The following CCDC191 variants were observed in gnomAD, a reference collection of about 807,000 sequenced individuals.
The protein encoded by CCDC191 is coiled-coil domain containing 191.
In CCDC191, 99 loss-of-function variants were observed where a neutral mutation model predicts 114.0. The ratio of observed to expected loss-of-function variants is 0.87; its 90% CI spans 0.74 to 1.03. The LOEUF is 1.03. Ranked by LOEUF, CCDC191 falls within the 50% of genes least tolerant of loss-of-function variation. CCDC191 has a pLI of 0.00. For missense variants in CCDC191, 973 were observed against 1,087.0 expected (o/e 0.90, Z 1.47); for synonymous variants, 351 against 376.0 (o/e 0.93, Z 0.77).
chr3:113,980,519 C>A (rs1412570481), intron 14 of CCDC191, 131 bp downstream of exon 14: 4 of 846,534 alleles, frequency 4.7e-6, no homozygotes, highest in East Asian at 5.8e-5. Context: ...AAAACAAATA[C>A]ACACATTCAA....
chr3:113,990,855 A>C (rs954839622), intron 13 of CCDC191, among the ~76,000 whole-genome samples: 1 of 148,094 alleles, frequency 6.8e-6, no homozygotes, highest in Admixed American at 7.0e-5. Context: ...AATCCCAGCT[A>C]CTCAGGAGGC....
At chr3:113,993,253 G>C (rs1032000148) in intron 13 of CCDC191, among the ~76,000 whole-genome samples, 1 of 152,074 alleles carries the variant, frequency 6.6e-6, no homozygotes, top group Admixed American at 6.6e-5. Flanking sequence ...GTAACATAGT[G>C]ACACCCAGAC....
intron 13 of CCDC191, among the ~76,000 whole-genome samples, chr3:113,982,287 C>A (rs1177506311): frequency 6.6e-6 from 1 of 152,104 alleles, no homozygotes; most frequent in Non-Finnish European, 1.5e-5. Context: ...CTGCTTGAGT[C>A]AAAATGTTGT....
chr3:114,047,249 T>C (rs537852077), intron 2 of CCDC191: 168 of 409,496 alleles, frequency 4.1e-4, no homozygotes, highest in African/African-American at 3.4e-3. Flanking sequence ...CCATCTAGAA[T>C]GTTTTAACTC....
intron 13 of CCDC191, among the ~76,000 whole-genome samples, chr3:113,992,241 A>G (rs549189050): frequency 1.3e-5 from 2 of 152,128 alleles, no homozygotes; most frequent in African/African-American, 4.8e-5. Flanking sequence ...AGAGACCCCC[A>G]CAGCCTGTGA....
chr3:113,978,497 G>C, intron 15 of CCDC191, 166 bp from the exon 16 acceptor site: 1 of 689,220 alleles, frequency 1.5e-6, no homozygotes, highest in Non-Finnish European at 2.4e-6. Context: ...CCTCTATAAT[G>C]TATCCTAAAA....
At chr3:114,004,610 C>A (rs2075915369) in intron 11 of CCDC191, 27 bp downstream of exon 11, 1 of 1,554,790 alleles carries the variant, frequency 6.4e-7, no homozygotes, top group Non-Finnish European at 8.7e-7. Flanking sequence ...ATAACAACCA[C>A]CAAGGCCACC....
chr3:113,993,284 T>G (rs2075628999), intron 13 of CCDC191, among the ~76,000 whole-genome samples: 1 of 151,842 alleles, frequency 6.6e-6, no homozygotes, highest in Admixed American at 6.6e-5. Flanking sequence ...ATATGGAAAG[T>G]CAAATGAACT....
chr3:114,033,096 T>A (rs913337649), intron 6 of CCDC191, among the ~76,000 whole-genome samples: 6 of 152,162 alleles, frequency 3.9e-5, no homozygotes, highest in African/African-American at 1.4e-4. Flanking sequence ...CTTTTTTTTT[T>A]TTTTATTTTC....
Position 114,036,190 on chromosome 3 carries a change from A to G in CCDC191, c.594+418T>C, listed in dbSNP as rs142887890. On this transcript the variant is annotated intron_variant, in intron 5 of 16. Transcript: ENST00000295878. Reference sequence around the variant, plus strand: ...TCAGATCTGTCTTCCATTTTAAATTATAATAAAAAAATGAGTGAATTTCAG... The same window carrying G: ...TCAGATCTGTCTTCCATTTTAAATTGTAATAAAAAAATGAGTGAATTTCAG... Among the ~76,000 whole-genome samples the G allele has an allele frequency of 3.3e-5, 5 of 152,306 alleles. No homozygotes were observed. In the East Asian group the frequency reaches 9.6e-4, roughly 29 times the overall value.
At chr3:114,033,273 T>C (rs1227424941) in intron 6 of CCDC191, among the ~76,000 whole-genome samples, 1 of 152,078 alleles carries the variant, frequency 6.6e-6, no homozygotes, top group Non-Finnish European at 1.5e-5. Flanking sequence ...AAGCCATCCA[T>C]ATTTCTACCC....
At chr3:114,002,653 T>G in intron 11 of CCDC191, 115 bp from the exon 12 acceptor site, 1 of 1,265,150 alleles carries the variant, frequency 7.9e-7, no homozygotes, top group Non-Finnish European at 1.0e-6. Context: ...AGGGTTTTCT[T>G]GTAAGTTGAA....
intron 13 of CCDC191, among the ~76,000 whole-genome samples, chr3:113,986,159 G>T (rs1328269405): frequency 6.6e-6 from 1 of 152,006 alleles, no homozygotes; most frequent in African/African-American, 2.4e-5. Context: ...AAAAATGCTA[G>T]AAATAAAAAA....
intron 7 of CCDC191, among the ~76,000 whole-genome samples, chr3:114,020,792 T>A (rs78454967): frequency 0.04 from 6,103 of 152,226 alleles, 399 homozygotes; most frequent in African/African-American, 0.14. Context: ...AATTTTAACT[T>A]CAGGATTATT....
intron 2 of CCDC191, chr3:114,047,067 A>T (rs2076640111): frequency 9.4e-6 from 9 of 959,188 alleles, no homozygotes; most frequent in Non-Finnish European, 1.1e-5. Context: ...AATAAAAAAT[A>T]TTATATTTTA....
At chr3:113,984,275 A>G (rs1292203342) in intron 13 of CCDC191, 1 of 152,048 alleles carries the variant, frequency 6.6e-6, no homozygotes, top group Non-Finnish European at 1.5e-5. Flanking sequence ...CTGTTGGACA[A>G]TTTGCTGGTA....
chr3:113,975,446 C>A (rs756939948), intron 16 of CCDC191, among the ~76,000 whole-genome samples: 1 of 152,100 alleles, frequency 6.6e-6, no homozygotes, highest in Admixed American at 6.6e-5. Context: ...AGACTGGTGA[C>A]CTTAAATATT....
At chr3:114,026,858 T>TC (rs1255005161) in intron 7 of CCDC191, among the ~76,000 whole-genome samples, 1 of 152,174 alleles carries the variant, frequency 6.6e-6, no homozygotes, top group Non-Finnish European at 1.5e-5. Context: ...ACTAAAACCT[T>TC]CCCCCAAATA....
At chr3:114,028,887 A>G (rs2076363280) in intron 7 of CCDC191, among the ~76,000 whole-genome samples, 1 of 151,260 alleles carries the variant, frequency 6.6e-6, no homozygotes, top group South Asian at 2.1e-4. Flanking sequence ...ATATGTATAC[A>G]GATAGACACA....
Sources: allele counts gnomAD v4.1 joint callset (sites outside exome capture counted in the v4.1 genomes callset), GRCh38; gene constraint gnomAD v4.1.1; transcripts MANE v1.5; gene names NCBI Gene and HGNC (gene_info 2026-07-23, HGNC 2026-07-21).